CNTNAP2: variants seen among roughly 807,000 people sequenced by gnomAD.
The protein encoded by CNTNAP2 is contactin associated protein 2.
In CNTNAP2, 98 loss-of-function variants were observed where a neutral mutation model predicts 155.2. The observed-to-expected ratio is 0.63, with a 90% CI of 0.54 to 0.75. The LOEUF is 0.75. CNTNAP2 is among the 30% of genes least tolerant of loss of function. CNTNAP2 has a pLI of 0.00. For synonymous variants in CNTNAP2, 651 were observed against 631.2 expected (o/e 1.03, Z -0.47); for missense variants, 1,727 against 1,688.1 (o/e 1.02, Z -0.40).
rs1006553880 is a variant in CNTNAP2, at chr7:147,047,364, G to A, written c.550+3310G>A. 2.0e-4 allele frequency among the ~76,000 whole-genome samples: 30 copies of A among 148,718 alleles called. No homozygotes were observed. In the Middle Eastern group the frequency reaches 0.014, roughly 69 times the overall value. On this transcript the variant is annotated intron_variant, in intron 4 of 23. Transcript: ENST00000361727. ...TCTTGATTTGCTGACCTCATGATCC[G>A]CCCACCTGGGCTTGTTTCTGATTTT... is the stretch of plus-strand genomic sequence containing the variant.
intron 13 of CNTNAP2, among the ~76,000 whole-genome samples, chr7:147,729,311 A>G (rs890109488): frequency 1.3e-5 from 2 of 151,842 alleles, no homozygotes; most frequent in South Asian, 2.1e-4. Context: ...AGCACCTACT[A>G]TGTGTCCGGC....
At chr7:147,790,920 G>A (rs1468311537) in intron 13 of CNTNAP2, among the ~76,000 whole-genome samples, 1 of 152,148 alleles carries the variant, frequency 6.6e-6, no homozygotes, top group African/African-American at 2.4e-5. Flanking sequence ...AGAAATATTT[G>A]CTCTTCTTTT....
intron 1 of CNTNAP2, among the ~76,000 whole-genome samples, chr7:146,546,247 G>T (rs185357289): frequency 2.0e-5 from 3 of 151,976 alleles, no homozygotes; most frequent in African/African-American, 7.2e-5. Context: ...AATTGACTTG[G>T]TAGAAAATTT....
intron 11 of CNTNAP2, among the ~76,000 whole-genome samples, chr7:147,531,763 G>C (rs371387284): frequency 1.9e-4 from 29 of 151,662 alleles, no homozygotes. Context: ...GCAAATTTCT[G>C]CAGCCGGCTT....
At chr7:148,303,036 C>G (rs969209263) in intron 21 of CNTNAP2, among the ~76,000 whole-genome samples, 1 of 151,866 alleles carries the variant, frequency 6.6e-6, no homozygotes, top group Non-Finnish European at 1.5e-5. Context: ...CATAGTTGAT[C>G]CTGATCTCTC....
At chr7:148,025,422 T>C (rs1585084178) in intron 15 of CNTNAP2, among the ~76,000 whole-genome samples, 1 of 152,018 alleles carries the variant, frequency 6.6e-6, no homozygotes, top group African/African-American at 2.4e-5. Flanking sequence ...CCATTCCCCA[T>C]CCCCCTACCC....
At chr7:148,266,992 G>A in intron 20 of CNTNAP2, 41 bp from the exon 21 acceptor site, 1 of 1,577,436 alleles carries the variant, frequency 6.3e-7, no homozygotes, top group Non-Finnish European at 8.7e-7. Context: ...ACACAGGGTA[G>A]AGACGTGCTT....
chr7:147,424,533 A>C (rs1447558837), intron 10 of CNTNAP2, among the ~76,000 whole-genome samples: 3 of 151,988 alleles, frequency 2.0e-5, no homozygotes, highest in Non-Finnish European at 4.4e-5. Context: ...TCTCATTTCC[A>C]AACAGTGGAG....
intron 4 of CNTNAP2, among the ~76,000 whole-genome samples, chr7:147,046,256 T>G (rs536443780): frequency 6.6e-6 from 1 of 152,210 alleles, no homozygotes; most frequent in Middle Eastern, 3.4e-3. Flanking sequence ...AACCACTGAG[T>G]AGGCCTTCTC....
intron 3 of CNTNAP2, among the ~76,000 whole-genome samples, chr7:146,859,959 A>T (rs1040935619): frequency 2.6e-5 from 4 of 152,150 alleles, no homozygotes; most frequent in Non-Finnish European, 5.9e-5. Flanking sequence ...AGAGTGGGGG[A>T]GGAAGAGGAT....
chr7:148,121,597 C>T (rs937749984), intron 16 of CNTNAP2, among the ~76,000 whole-genome samples: 16 of 152,116 alleles, frequency 1.1e-4, no homozygotes, highest in African/African-American at 3.1e-4. Flanking sequence ...TTTCTCTAAG[C>T]GTGTCTCAGA....
chr7:147,853,675 G>C (rs1798988657), intron 13 of CNTNAP2, among the ~76,000 whole-genome samples: 1 of 152,188 alleles, frequency 6.6e-6, no homozygotes, highest in Admixed American at 6.5e-5. Flanking sequence ...ATTTCTGGAT[G>C]AACCATTGCC....
intron 8 of CNTNAP2, among the ~76,000 whole-genome samples, chr7:147,258,097 A>G (rs1804371759): frequency 6.6e-6 from 1 of 152,242 alleles, no homozygotes; most frequent in South Asian, 2.1e-4. Flanking sequence ...TCAAAGTAAT[A>G]GATGGCAAGA....
intron 8 of CNTNAP2, among the ~76,000 whole-genome samples, chr7:147,287,063 G>A (rs952251426): frequency 2.0e-5 from 3 of 152,138 alleles, no homozygotes; most frequent in African/African-American, 7.2e-5. Context: ...CCATCTCAAT[G>A]GGTATGGGGA....
intron 9 of CNTNAP2, among the ~76,000 whole-genome samples, chr7:147,305,953 C>T (rs1272721345): frequency 6.6e-6 from 1 of 152,116 alleles, no homozygotes; most frequent in Admixed American, 6.6e-5. Context: ...TCTCTGCCTC[C>T]ATCTTCACAT....
intron 4 of CNTNAP2, among the ~76,000 whole-genome samples, chr7:147,079,407 G>A (rs901080679): frequency 7.2e-5 from 11 of 152,018 alleles, no homozygotes; most frequent in Admixed American, 3.3e-4. Context: ...TGTTGCTCCC[G>A]TGAAAAACAG....
intron 1 of CNTNAP2, among the ~76,000 whole-genome samples, chr7:146,312,704 A>G (rs1297094965): frequency 1.3e-5 from 2 of 152,150 alleles, no homozygotes; most frequent in Non-Finnish European, 2.9e-5. Context: ...ACCTCTGATT[A>G]ACATCTTCTC....
intron 1 of CNTNAP2, among the ~76,000 whole-genome samples, chr7:146,147,957 G>A (rs1279282255): frequency 6.6e-6 from 1 of 152,098 alleles, no homozygotes; most frequent in African/African-American, 2.4e-5. Flanking sequence ...GTGTCAGAAT[G>A]GTTACCTTGA....
intron 15 of CNTNAP2, among the ~76,000 whole-genome samples, chr7:148,080,057 G>T (rs551296683): frequency 8.5e-5 from 13 of 152,302 alleles, no homozygotes; most frequent in African/African-American, 2.6e-4. Context: ...CCCTATGAGA[G>T]TCAGCCATCA....
Sources: gnomAD v4.1 joint callset for allele counts (sites outside exome capture counted in the v4.1 genomes callset) on GRCh38, gnomAD v4.1.1 for gene constraint, MANE v1.5 for transcripts, NCBI Gene and HGNC (gene_info 2026-07-23, HGNC 2026-07-21) for gene names.